Variants in CAMSAP3 observed in about 807,000 individuals in gnomAD.
CAMSAP3 encodes the protein calmodulin-regulated spectrin-associated protein 3.
A neutral mutation model predicts 112.5 loss-of-function variants in CAMSAP3; 34 were observed. The ratio of observed to expected loss-of-function variants is 0.30; its 90% CI spans 0.23 to 0.40. CAMSAP3 has a LOEUF of 0.40. Ranked by LOEUF, CAMSAP3 falls within the 10% of genes least tolerant of loss-of-function variation. CAMSAP3 has a pLI of 1.00. For missense variants in CAMSAP3, 1,602 were observed against 1,770.3 expected, an observed-to-expected ratio of 0.90 and a Z score of 1.71; for synonymous variants, 868 against 799.8, an observed-to-expected ratio of 1.09 and a Z score of -1.44.
intron 14 of CAMSAP3, among the ~76,000 whole-genome samples, chr19:7,616,948 T>TGTTTG (rs981863446): frequency 4.4e-4 from 50 of 113,392 alleles, no homozygotes; most frequent in Middle Eastern, 4.3e-3. Context: ...TTTTTTTTTT[T>TGTTTG]TTTTTTTTTT....
At chr19:7,614,216 T>C (rs1181923390) in intron 11 of CAMSAP3, among the ~76,000 whole-genome samples, 7 of 110,396 alleles carry the variant, frequency 6.3e-5, no homozygotes, top group Admixed American at 1.3e-4. Flanking sequence ...GCCTAGATCG[T>C]GCCACTGCAC....
intron 14 of CAMSAP3, among the ~76,000 whole-genome samples, chr19:7,616,950 T>TTG (rs1555763689): frequency 4.5e-5 from 6 of 133,726 alleles, no homozygotes; most frequent in Admixed American, 4.4e-4. Flanking sequence ...TTTTTTTTTT[T>TTG]TTTTTTTTGT....
chr19:7,612,906 G>A lies in CAMSAP3; in HGVS notation c.2413G>A (p.Asp805Asn), dbSNP rs2030581475. The part of the protein sequence containing the change: ...TRVLTPPHDV[D>N]SLPHLRKFSP... ...GGTGCTTACGCCACCCCACGACGTA[G>A]ACAGCCTCCCCCACCTGCGCAAGTT... is the stretch of plus-strand genomic sequence containing the variant. The change falls in exon 11 of 17, where the codon GAC becomes AAC. Residue 805 changes from aspartate (D) to asparagine (N), a missense_variant. Asp to Asn is a conservative substitution (Grantham distance 23, BLOSUM62 1). Transcript: ENST00000160298. 2 of 1,609,598 alleles carry A rather than the reference G, an allele frequency of 1.2e-6. No individual in the cohort carries two copies. The highest frequency in any genetic ancestry group is 8.5e-7 in the Non-Finnish European group (1 of 1,179,186).
rs769936125 is a variant in CAMSAP3 at position 7,615,168 on chromosome 19, G to C, written c.2671-15G>C. On this transcript the variant is annotated splice_polypyrimidine_tract_variant and intron_variant, in intron 11 of 16. Transcript: ENST00000160298. This position sits in a 1 kb window ranked among gnomAD's most constrained non-coding sequence, Gnocchi z 6.5. ...GGGGAGGGGGTGGCTGGCTGGACTC[G>C]GCGTCTGTCCCCAGGATGAAGACAA... 1.8e-5 allele frequency: 28 copies of C among 1,553,822 alleles called. No homozygotes were observed. The highest frequency in any genetic ancestry group is 2.3e-5 in the Non-Finnish European group (27 of 1,148,982).
rs749017357 is a variant in CAMSAP3, at chr19:7,610,317, C to CAAA, written c.761-145_761-143dup. Among the ~76,000 whole-genome samples the CAAA allele has an allele frequency of 8.9e-6, 1 of 111,748 alleles. No homozygotes were observed. The highest frequency in any genetic ancestry group is 3.2e-5 in the African/African-American group (1 of 31,032). The allele number at this position is 111,748 out of a possible 152,430, so 73.3% of individuals were successfully genotyped here. A position where few individuals can be genotyped will look rare whatever the true frequency, so the allele number is the denominator to read the frequency against. On this transcript the variant is annotated intron_variant, in intron 5 of 16. Coordinates refer to ENST00000160298, the MANE Select transcript of CAMSAP3 (RefSeq NM_020902.2). The surrounding 1 kb of genome is among the most constrained non-coding windows in gnomAD (Gnocchi z 4.9). ...TGGGTGACAGAGCGAGACTCCATCTCAAAAAAAAAAAAAAAAGAATTCACC... is the reference window on the plus strand; with the variant it reads ...TGGGTGACAGAGCGAGACTCCATCTCAAAAAAAAAAAAAAAAAAAGAATTCACC...
rs1239881717 is a variant in CAMSAP3, at chr19:7,610,954, G to C, written c.1049+23G>C. Reference sequence around the variant, plus strand: ...TAGGTACGCTCCCCACACTGGGCGAGTCTCTGGCATTGTGGGTGTGGGGCT... The same window carrying C: ...TAGGTACGCTCCCCACACTGGGCGACTCTCTGGCATTGTGGGTGTGGGGCT... On this transcript the variant is annotated intron_variant, in intron 8 of 16. Transcript: ENST00000160298. The surrounding 1 kb of genome is among the most constrained non-coding windows in gnomAD (Gnocchi z 4.9). 6.3e-7 allele frequency: 1 copy of C among 1,576,538 alleles called. No individual in the cohort carries two copies. The highest frequency in any genetic ancestry group is 2.2e-5 in the East Asian group (1 of 44,510).
At position 7,612,215 on chromosome 19, in the gene CAMSAP3, G is replaced by A. The variant is rs1456124255; in HGVS notation, c.1722G>A (p.Leu574=). 2 of 1,599,406 alleles carry A rather than the reference G, an allele frequency of 1.3e-6. No individual in the cohort carries two copies. The highest frequency in any genetic ancestry group is 1.7e-6 in the Non-Finnish European group (2 of 1,173,692). ...MTSFAERKKQ[L]VKAEAEAGAG... ...GCTTTGCAGAACGCAAGAAACAGCTGGTGAAGGCAGAGGCTGAGGCCGGAG... is the reference window on the plus strand; with the variant it reads ...GCTTTGCAGAACGCAAGAAACAGCTAGTGAAGGCAGAGGCTGAGGCCGGAG... Residue 574 remains leucine (L), a synonymous_variant, in exon 11 of 17, where the codon CTG becomes CTA. Transcript: ENST00000160298.
At chr19:7,606,136 G>GCCCCCCCCCCCCCAAACCCCC in intron 2 of CAMSAP3, 135 bp from the exon 3 acceptor site, 1 of 511,800 alleles carries the variant, frequency 2.0e-6, no homozygotes, top group Non-Finnish European at 3.4e-6. Flanking sequence ...TGAACCACTG[G>GCCCCCCCCCCCCCAAACCCCC]CCCCGCCCCC....
chr19:7,603,385 T>C (rs1057164001), intron 1 of CAMSAP3, among the ~76,000 whole-genome samples: 5 of 152,068 alleles, frequency 3.3e-5, no homozygotes, highest in African/African-American at 1.2e-4. Context: ...CAGCTCATTT[T>C]TGTATTTTTA....
Position 7,617,452 on chromosome 19 carries a change from C to T in CAMSAP3, c.3325+14C>T, listed in dbSNP as rs1300670315. 1 of 1,612,168 alleles carries T rather than the reference C, an allele frequency of 6.2e-7. No individual in the cohort carries two copies. Among genetic ancestry groups the T allele is most frequent in the South Asian group, 1.1e-5 (1 of 91,058 alleles). ...CCGAGTACACAGGTAAGCAGGGGCT[C>T]TGGGTGATGTGAGGAGCAACAGGCA... On this transcript the variant is annotated intron_variant, in intron 15 of 16. Transcript: ENST00000160298. This position sits in a 1 kb window ranked among gnomAD's most constrained non-coding sequence, Gnocchi z 7.5.
intron 14 of CAMSAP3, among the ~76,000 whole-genome samples, chr19:7,616,952 T>TG (rs202222278): frequency 0.11 from 14,133 of 133,044 alleles, 757 homozygotes; most frequent in Non-Finnish European, 0.15. Flanking sequence ...TTTTTTTTTT[T>TG]TTTTTTGTTT....
chr19:7,608,644 T>C (rs1391893812), intron 5 of CAMSAP3, among the ~76,000 whole-genome samples: 8 of 151,300 alleles, frequency 5.3e-5, no homozygotes, highest in African/African-American at 1.9e-4. Flanking sequence ...TTTTTTTTTT[T>C]TTTTTTTGAG....
Position 7,615,158 on chromosome 19 carries a change from G to C in CAMSAP3, c.2671-25G>C, listed in dbSNP as rs1359682030. 8 of 1,553,174 alleles carry C rather than the reference G, an allele frequency of 5.2e-6. No individual in the cohort carries two copies. Among genetic ancestry groups the C allele is most frequent in the African/African-American group, 1.4e-5 (1 of 73,294 alleles). ...AGCCATGTTGGGGGAGGGGGTGGCT[G>C]GCTGGACTCGGCGTCTGTCCCCAGG... is the stretch of plus-strand genomic sequence containing the variant. On this transcript the variant is annotated intron_variant, in intron 11 of 16. Coordinates refer to ENST00000160298, the MANE Select transcript of CAMSAP3 (RefSeq NM_020902.2). This position sits in a 1 kb window ranked among gnomAD's most constrained non-coding sequence, Gnocchi z 6.5.
rs1390867080 is a variant in CAMSAP3 at position 7,617,754 on chromosome 19, A to G, written c.3447A>G (p.Glu1149=). The G allele has an allele frequency of 6.2e-7, 1 of 1,611,664 alleles. No individual in the cohort carries two copies. The highest frequency in any genetic ancestry group is 2.2e-5 in the East Asian group (1 of 44,818). Residue 1149 remains glutamate (E), a splice_region_variant and synonymous_variant, in exon 17 of 17, where the codon GAA becomes GAG. Coordinates refer to ENST00000160298, the MANE Select transcript of CAMSAP3 (RefSeq NM_020902.2). This position sits in a 1 kb window ranked among gnomAD's most constrained non-coding sequence, Gnocchi z 7.5. ...CCATTTCCAGCACTCCTGCCCAGGA[A>G]ATTGAGAAAAGCAAGGCCAACCACT... is the stretch of plus-strand genomic sequence containing the variant. ...NEPQKNRILE[E]IEKSKANHFL... is the part of the protein sequence containing the mutation.
At position 7,611,508 on chromosome 19, in the gene CAMSAP3, C is replaced by T. The variant is rs372349551; in HGVS notation, c.1124-9C>T. 8.7e-6 allele frequency: 14 copies of T among 1,605,032 alleles called. No homozygotes were observed. The highest frequency in any genetic ancestry group is 1.2e-5 in the Non-Finnish European group (14 of 1,175,796). Reference sequence around the variant, plus strand: ...GGTCCCCATAGTGACCACTCATCGCCTCCCCCAGGCTCCCTGAAGTCTTCC... The same window carrying T: ...GGTCCCCATAGTGACCACTCATCGCTTCCCCCAGGCTCCCTGAAGTCTTCC... On this transcript the variant is annotated splice_polypyrimidine_tract_variant and intron_variant, in intron 9 of 16. Transcript: ENST00000160298. The surrounding 1 kb of genome is among the most constrained non-coding windows in gnomAD (Gnocchi z 6.9).
At position 7,606,357 on chromosome 19, in the gene CAMSAP3, C is replaced by G; in HGVS notation, c.489C>G (p.Thr163=). 1 of 1,613,876 alleles carries G rather than the reference C, an allele frequency of 6.2e-7. No homozygotes were observed. The highest frequency in any genetic ancestry group is 1.3e-5 in the African/African-American group (1 of 75,056). ...CCCTGCCAGGTCCCTTGGCCCTGAC[C>G]AGCTTGGAGCACAAGCTGCTTTTCT... ...TKTLPGPLAL[T]SLEHKLLFWV... Residue 163 remains threonine (T), a synonymous_variant, in exon 3 of 17, where the codon ACC becomes ACG. Coordinates refer to ENST00000160298, the MANE Select transcript of CAMSAP3 (RefSeq NM_020902.2).
At chr19:7,605,176 GT>G in intron 1 of CAMSAP3, 49 bp from the exon 2 acceptor site, 1 of 1,331,450 alleles carries the variant, frequency 7.5e-7, no homozygotes, top group South Asian at 1.4e-5. Flanking sequence ...GTGTGTGTGT[GT>G]TGTATCTGGT....
In CAMSAP3 at chr19:7,607,750, C is replaced by A. The variant is rs74556722; in HGVS notation, c.622-376C>A. 103,152 of 572,752 alleles carry A rather than the reference C, an allele frequency of 0.18. 10,560 individuals carry two copies. The highest frequency in any genetic ancestry group is 0.21 in the Non-Finnish European group (65,321 of 316,856). The allele number at this position is 572,752 out of a possible 1,614,324, so 35.5% of individuals were successfully genotyped here. ...CAGGGTCAGGGCTACCCCCTCCCCCCCAAGGTGGGCTTGGGGGCCCAGCAG... is the reference window on the plus strand; with the variant it reads ...CAGGGTCAGGGCTACCCCCTCCCCCACAAGGTGGGCTTGGGGGCCCAGCAG... On this transcript the variant is annotated intron_variant, in intron 4 of 16. Transcript: ENST00000160298. This position sits in a 1 kb window ranked among gnomAD's most constrained non-coding sequence, Gnocchi z 4.9.
chr19:7,605,939 T>G (rs900119032), intron 2 of CAMSAP3, among the ~76,000 whole-genome samples: 9 of 150,512 alleles, frequency 6.0e-5, no homozygotes, highest in Non-Finnish European at 7.4e-5. Flanking sequence ...CCCCTCAAGC[T>G]CTTCCCATCA....
Sources: gnomAD v4.1 joint callset for allele counts (sites outside exome capture counted in the v4.1 genomes callset) on GRCh38, gnomAD v4.1.1 for gene constraint, Gnocchi (gnomAD v3.1) non-coding constraint, MANE v1.5 for transcripts, NCBI Gene and HGNC (gene_info 2026-07-23, HGNC 2026-07-21) for gene names.